Variants in GABRA3 observed in about 807,000 individuals in gnomAD.
The protein encoded by GABRA3 is gamma-aminobutyric acid type A receptor subunit alpha3.
A neutral mutation model predicts 30.1 loss-of-function variants in GABRA3; 10 were observed. The ratio of observed to expected loss-of-function variants is 0.33; its 90% CI spans 0.20 to 0.56. The LOEUF (loss-of-function observed/expected upper bound fraction) is 0.56, where lower values mean the gene tolerates loss of function less well. Among genes scored for constraint, GABRA3 ranks in the 20% least tolerant of loss-of-function variants. The pLI is 0.89. For missense variants in GABRA3, 233 were observed against 392.0 expected (o/e 0.59, Z 3.42); for synonymous variants, 151 against 146.8 (o/e 1.03, Z -0.21).
chrX:152,231,088 C>A (rs1938059212), intron 5 of GABRA3, among the ~76,000 whole-genome samples: 1 of 108,235 alleles, frequency 9.2e-6, no homozygotes, highest in Non-Finnish European at 1.9e-5. Flanking sequence ...ACATAAATAA[C>A]CCTTAGAACT....
chrX:152,202,236 C>A (rs1426785631), intron 7 of GABRA3, among the ~76,000 whole-genome samples: 1 of 111,428 alleles, frequency 9.0e-6, no homozygotes, highest in African/African-American at 3.3e-5. Context: ...TTTCTCTGGC[C>A]CAGATTTCCA....
At chrX:152,391,125 A>G (rs1413207318) in intron 1 of GABRA3, among the ~76,000 whole-genome samples, 3 of 112,047 alleles carry the variant, frequency 2.7e-5, no homozygotes, top group African/African-American at 6.5e-5. Flanking sequence ...ATCCTGCAAT[A>G]TGAACTGACA....
chrX:152,232,442 G>A (rs1938099977), intron 5 of GABRA3, among the ~76,000 whole-genome samples: 1 of 109,391 alleles, frequency 9.1e-6, no homozygotes, highest in Admixed American at 9.9e-5. Flanking sequence ...ACTCTCCAAT[G>A]TCTATTATTC....
chrX:152,410,694 C>T (rs1930048744), intron 1 of GABRA3, among the ~76,000 whole-genome samples: 2 of 110,490 alleles, frequency 1.8e-5, no homozygotes, highest in Non-Finnish European at 3.8e-5. Flanking sequence ...GTAACCAATC[C>T]TGGGGAAGTG....
At chrX:152,174,241 C>T (rs1245779840) in intron 9 of GABRA3, among the ~76,000 whole-genome samples, 36 of 111,093 alleles carry the variant, frequency 3.2e-4, no homozygotes, top group African/African-American at 1.2e-3. Flanking sequence ...AATAGTGCCG[C>T]AATAAACATA....
At chrX:152,277,146 G>A (rs1939101246) in intron 4 of GABRA3, among the ~76,000 whole-genome samples, 1 of 111,194 alleles carries the variant, frequency 9.0e-6, no homozygotes, top group Admixed American at 9.6e-5. Context: ...GCCAATAAGC[G>A]GGAGCTTGAA....
chrX:152,423,345 G>A (rs1191982215), intron 1 of GABRA3, among the ~76,000 whole-genome samples: 1 of 111,852 alleles, frequency 8.9e-6, no homozygotes, highest in Non-Finnish European at 1.9e-5. Context: ...GTTTGGTACT[G>A]AGGTAAAAAT....
intron 4 of GABRA3, among the ~76,000 whole-genome samples, chrX:152,274,397 CA>C (rs374769264): frequency 2.8e-5 from 3 of 107,104 alleles, no homozygotes; most frequent in Middle Eastern, 4.7e-3. Context: ...CCACCCCCGA[CA>C]AAAAAAAATG....
chrX:152,307,991 C>T (rs921722079), intron 3 of GABRA3, among the ~76,000 whole-genome samples: 1 of 112,535 alleles, frequency 8.9e-6, no homozygotes, highest in Admixed American at 9.3e-5. Context: ...CCAAAGCTTG[C>T]CACACTCCTC....
intron 7 of GABRA3, among the ~76,000 whole-genome samples, chrX:152,206,283 C>G (rs902321104): frequency 1.8e-5 from 2 of 112,591 alleles, no homozygotes; most frequent in African/African-American, 3.2e-5. Flanking sequence ...CCTCCTGGGG[C>G]CCCCTCTTTT....
chrX:152,304,551 G>C (rs1449130955), intron 3 of GABRA3, among the ~76,000 whole-genome samples: 1 of 111,695 alleles, frequency 9.0e-6, no homozygotes, highest in Non-Finnish European at 1.9e-5. Flanking sequence ...TATTGAATAG[G>C]GTGTCCTTTC....
chrX:152,279,909 G>A (rs1459715007), intron 4 of GABRA3, among the ~76,000 whole-genome samples: 2 of 111,058 alleles, frequency 1.8e-5, no homozygotes, highest in Non-Finnish European at 3.8e-5. Context: ...TTGGCTCTCT[G>A]TTTGTCTGTT....
chrX:152,172,884 A>C (rs773024794), intron 9 of GABRA3, among the ~76,000 whole-genome samples: 1 of 110,280 alleles, frequency 9.1e-6, no homozygotes, highest in East Asian at 2.9e-4. Flanking sequence ...AGCAATGTGA[A>C]TGTATTTAAC....
At chrX:152,349,319 G>A (rs1040294071) in intron 2 of GABRA3, among the ~76,000 whole-genome samples, 10 of 110,768 alleles carry the variant, frequency 9.0e-5, no homozygotes, top group South Asian at 3.9e-4. Flanking sequence ...TAAACATGGA[G>A]AGGAACAACC....
At chrX:152,278,408 C>T (rs930112563) in intron 4 of GABRA3, among the ~76,000 whole-genome samples, 1 of 110,306 alleles carries the variant, frequency 9.1e-6, no homozygotes, top group African/African-American at 3.3e-5. Context: ...TGGTTTCCAG[C>T]TTCATCCATG....
intron 2 of GABRA3, 129 bp downstream of exon 2, chrX:152,364,302 A>G (rs1603248417): frequency 1.7e-6 from 1 of 583,371 alleles, no homozygotes; most frequent in East Asian, 3.6e-5. Context: ...TTTTTTCTAA[A>G]TATAATGTAA....
chrX:152,352,735 G>A (rs745492363), intron 2 of GABRA3, among the ~76,000 whole-genome samples: 2 of 111,105 alleles, frequency 1.8e-5, no homozygotes, highest in Non-Finnish European at 3.8e-5. Flanking sequence ...TCTCTGCATC[G>A]CTCACAAACC....
chrX:152,381,772 C>T (rs1402579131), intron 1 of GABRA3, among the ~76,000 whole-genome samples: 1 of 108,717 alleles, frequency 9.2e-6, no homozygotes, highest in Admixed American at 9.9e-5. Context: ...CATTGTTCAA[C>T]TCCCACTTAT....
chrX:152,214,076 T>C (rs144597760), intron 6 of GABRA3, among the ~76,000 whole-genome samples: 25 of 111,306 alleles, frequency 2.2e-4, no homozygotes, highest in African/African-American at 7.5e-4. Flanking sequence ...CACCCCCTCA[T>C]ACCCTCTCAC....
Sources: gnomAD v4.1 joint callset for allele counts (sites outside exome capture counted in the v4.1 genomes callset) on GRCh38, gnomAD v4.1.1 for gene constraint, MANE v1.5 for transcripts, NCBI Gene and HGNC (gene_info 2026-07-23, HGNC 2026-07-21) for gene names.